CACHD1: variants seen among roughly 807,000 people sequenced by gnomAD.
CACHD1 encodes cache domain containing 1, also known as VWFA and cache domain-containing protein 1.
A neutral mutation model predicts 138.7 loss-of-function variants in CACHD1; 71 were observed. The observed-to-expected ratio is 0.51, with a 90% CI of 0.42 to 0.62. The LOEUF is 0.62. Among genes scored for constraint, CACHD1 ranks in the 20% least tolerant of loss-of-function variants. The pLI, the probability that CACHD1 is intolerant of heterozygous loss-of-function variation, is 0.00. For missense variants in CACHD1, 1,389 were observed against 1,625.3 expected, an observed-to-expected ratio of 0.85 and a Z score of 2.50; for synonymous variants, 578 against 591.5, an observed-to-expected ratio of 0.98 and a Z score of 0.33.
chr1:64,602,644 CCA>C (rs982746112), intron 3 of CACHD1, among the ~76,000 whole-genome samples, 160 bp from the exon 4 acceptor site: 2 of 152,136 alleles, frequency 1.3e-5, no homozygotes, highest in Non-Finnish European at 2.9e-5. Context: ...GTTCCCCCCA[CCA>C]CACACAGAGT....
chr1:64,581,876 C>T (rs1647015467), intron 2 of CACHD1, among the ~76,000 whole-genome samples: 1 of 152,176 alleles, frequency 6.6e-6, no homozygotes, highest in African/African-American at 2.4e-5. Flanking sequence ...CTTTTTCCAG[C>T]AAGGTATTTT....
At chr1:64,546,220 G>A (rs768405512) in intron 1 of CACHD1, among the ~76,000 whole-genome samples, 3 of 152,146 alleles carry the variant, frequency 2.0e-5, no homozygotes, top group Non-Finnish European at 4.4e-5. Context: ...GGAATAGAAA[G>A]CAGAATGCTC....
At chr1:64,548,156 C>T (rs189941930) in intron 1 of CACHD1, among the ~76,000 whole-genome samples, 35 of 152,286 alleles carry the variant, frequency 2.3e-4, no homozygotes, top group Middle Eastern at 3.4e-3. Flanking sequence ...GAGGACTTCA[C>T]CTTTGTTTTA....
At chr1:64,690,366 G>C (rs1650508895) in intron 26 of CACHD1, among the ~76,000 whole-genome samples, 1 of 152,196 alleles carries the variant, frequency 6.6e-6, no homozygotes, top group Non-Finnish European at 1.5e-5. Context: ...TTACCCACGG[G>C]TAAGTGCTGA....
At chr1:64,485,565 T>C (rs1276585233) in intron 1 of CACHD1, among the ~76,000 whole-genome samples, 1 of 152,030 alleles carries the variant, frequency 6.6e-6, no homozygotes, top group East Asian at 1.9e-4. Context: ...AAAGAACATT[T>C]GAGTTTTTGT....
intron 3 of CACHD1, among the ~76,000 whole-genome samples, chr1:64,585,435 C>T (rs969761965): frequency 1.3e-5 from 2 of 152,166 alleles, no homozygotes; most frequent in Admixed American, 1.3e-4. Context: ...GTTAGTTGAA[C>T]ATCCATGAGA....
chr1:64,671,420 G>C, intron 16 of CACHD1, 144 bp from the exon 17 acceptor site: 2 of 828,332 alleles, frequency 2.4e-6, no homozygotes. Flanking sequence ...CAGTCACTTA[G>C]TTGATCATTT....
chr1:64,683,961 T>C (rs1650272191), intron 26 of CACHD1, among the ~76,000 whole-genome samples: 1 of 152,212 alleles, frequency 6.6e-6, no homozygotes, highest in Non-Finnish European at 1.5e-5. Flanking sequence ...CTGTGTATGC[T>C]CTACTCTCCT....
chr1:64,636,233 C>T (rs1648522945), intron 7 of CACHD1, among the ~76,000 whole-genome samples: 1 of 152,056 alleles, frequency 6.6e-6, no homozygotes, highest in African/African-American at 2.4e-5. Context: ...AAACTAAGCA[C>T]TGATTAATGC....
At chr1:64,546,692 T>G (rs1472100719) in intron 1 of CACHD1, among the ~76,000 whole-genome samples, 1 of 152,134 alleles carries the variant, frequency 6.6e-6, no homozygotes, top group Non-Finnish European at 1.5e-5. Context: ...TTCCAAGTCC[T>G]CTATTAACCA....
intron 1 of CACHD1, among the ~76,000 whole-genome samples, chr1:64,511,796 C>A (rs1300158120): frequency 6.6e-6 from 1 of 152,172 alleles, no homozygotes; most frequent in Non-Finnish European, 1.5e-5. Context: ...AACCCCAGCT[C>A]TAGAATACAA....
chr1:64,678,059 T>A, intron 22 of CACHD1, 100 bp from the exon 23 acceptor site: 1 of 1,218,822 alleles, frequency 8.2e-7, no homozygotes, highest in African/African-American at 1.6e-5. Context: ...ACAGCACTAG[T>A]AAGTAATGGA....
chr1:64,612,504 G>A (rs1399648797), intron 4 of CACHD1, among the ~76,000 whole-genome samples: 2 of 152,120 alleles, frequency 1.3e-5, no homozygotes, highest in South Asian at 4.1e-4. Flanking sequence ...AAATACCTAG[G>A]TCATTGAAGG....
At position 64,666,304 on chromosome 1, in the gene CACHD1, ATCT is replaced by A. The variant is rs1233554356; in HGVS notation, c.2387+141_2387+143del. The stretch of plus-strand genomic sequence containing the variant: ...AAGTGAGGCCAGCTGGGATTTGAAC[ATCT>A]TCTCTTTCTGTCACCTTCAATTCCG... On this transcript the variant is annotated intron_variant, in intron 16 of 26. Coordinates refer to ENST00000651257, the MANE Select transcript of CACHD1 (RefSeq NM_020925.4). The A allele has an allele frequency of 5.1e-5, 27 of 525,048 alleles. No homozygotes were observed. The East Asian group carries it at 5.3e-4, about 10-fold the overall frequency. The allele number at this position is 525,048 out of a possible 1,614,324, so 32.5% of individuals were successfully genotyped here. A position where few individuals can be genotyped will look rare whatever the true frequency, so the allele number is the denominator to read the frequency against.
chr1:64,618,962 A>G (rs1223708405), intron 4 of CACHD1, among the ~76,000 whole-genome samples: 1 of 152,144 alleles, frequency 6.6e-6, no homozygotes, highest in Non-Finnish European at 1.5e-5. Context: ...CATTACAAAC[A>G]TGTTCTGTGT....
Position 64,632,649 on chromosome 1 carries a change from T to C in CACHD1, c.695T>C (p.Ile232Thr). Residue 232 changes from isoleucine (I) to threonine (T), a missense_variant, in exon 6 of 27, where the codon ATT becomes ACT. Around this residue, in one of 5 missense-constraint regions of CACHD1, gnomAD observed 1,000 missense variants for 1,114.7 expected, o/e 0.90. Coordinates refer to ENST00000651257, the MANE Select transcript of CACHD1 (RefSeq NM_020925.4). Reference protein sequence around the residue: ...VRPQSKHIVVILDHGASVTDT... With the variant: ...VRPQSKHIVVTLDHGASVTDT... ...CCGCAGTCAAAGCACATAGTAGTGATTCTGGACCACGGGGCTTCAGTCACA... is the reference window on the plus strand; with the variant it reads ...CCGCAGTCAAAGCACATAGTAGTGACTCTGGACCACGGGGCTTCAGTCACA... 2 of 1,614,152 alleles carry C rather than the reference T, an allele frequency of 1.2e-6. No individual in the cohort carries two copies. The highest frequency in any genetic ancestry group is 2.2e-5 in the South Asian group (2 of 91,074).
chr1:64,625,938 A>G (rs1648086243), intron 4 of CACHD1, among the ~76,000 whole-genome samples: 1 of 152,202 alleles, frequency 6.6e-6, no homozygotes, highest in Admixed American at 6.5e-5. Context: ...GATGCCAGGT[A>G]GATGTTTGCT....
intron 4 of CACHD1, among the ~76,000 whole-genome samples, chr1:64,619,350 A>C (rs1051970014): frequency 6.6e-6 from 1 of 152,224 alleles, no homozygotes; most frequent in Non-Finnish European, 1.5e-5. Context: ...CTGTGGCTGA[A>C]GAAAAATAAG....
At chr1:64,600,051 C>A (rs535996425) in intron 3 of CACHD1, among the ~76,000 whole-genome samples, 1 of 152,114 alleles carries the variant, frequency 6.6e-6, no homozygotes, top group Non-Finnish European at 1.5e-5. Context: ...TCTTAGGTCC[C>A]TGACTTGCTA....
Sources: allele counts gnomAD v4.1 joint callset (sites outside exome capture counted in the v4.1 genomes callset), GRCh38; gene constraint gnomAD v4.1.1; regional missense constraint gnomAD v4.1.1; transcripts MANE v1.5; gene names NCBI Gene and HGNC (gene_info 2026-07-23, HGNC 2026-07-21).